The following GCN1 variants were observed in gnomAD, a reference collection of about 807,000 sequenced individuals.
GCN1 encodes the protein GCN1 activator of EIF2AK4.
A neutral mutation model predicts 288.4 loss-of-function variants in GCN1; 90 were observed. The ratio of observed to expected loss-of-function variants is 0.31; its 90% CI spans 0.26 to 0.37. The LOEUF is 0.37. Ranked by LOEUF, GCN1 falls within the 10% of genes least tolerant of loss-of-function variation. GCN1 has a pLI of 1.00. For missense variants in GCN1, 2,586 were observed against 3,419.9 expected, an observed-to-expected ratio of 0.76 and a Z score of 6.08; for synonymous variants, 1,386 against 1,420.2, an observed-to-expected ratio of 0.98 and a Z score of 0.54.
intron 18 of GCN1, 89 bp downstream of exon 18, chr12:120,164,247 A>T: frequency 9.0e-7 from 1 of 1,106,716 alleles, no homozygotes. Flanking sequence ...AAGAACACCC[A>T]GGGAGTGGCC....
intron 36 of GCN1, among the ~76,000 whole-genome samples, chr12:120,148,810 G>A (rs181599699): frequency 6.6e-5 from 10 of 152,214 alleles, no homozygotes; most frequent in South Asian, 4.2e-4. Context: ...GCTTATTAGG[G>A]TGCCAGACAT....
chr12:120,175,650 G>T, intron 11 of GCN1, 96 bp downstream of exon 11: 1 of 1,308,896 alleles, frequency 7.6e-7, no homozygotes, highest in Non-Finnish European at 1.1e-6. Flanking sequence ...CTTGCCACAG[G>T]CAGACTTGGA....
At chr12:120,191,864 T>C (rs945421702) in intron 1 of GCN1, among the ~76,000 whole-genome samples, 1 of 152,180 alleles carries the variant, frequency 6.6e-6, no homozygotes, top group Non-Finnish European at 1.5e-5. Context: ...TATCTCTAAA[T>C]ATGGAGGTAA....
chr12:120,134,847 G>A lies in GCN1; in HGVS notation c.7009-121C>T, dbSNP rs1466147031. The A allele has an allele frequency of 7.4e-6, 6 of 815,694 alleles. No homozygotes were observed. Among genetic ancestry groups the A allele is most frequent in the East Asian group, 2.6e-5 (1 of 38,658 alleles). 50.5% of individuals were successfully genotyped at this position (815,694 alleles called of 1,614,324 possible). ...CACAGCGAGTCCAGCTCTCATACAGGGCTGGGGACAGATAGCCCGTCAGAG... is the reference window on the plus strand; with the variant it reads ...CACAGCGAGTCCAGCTCTCATACAGAGCTGGGGACAGATAGCCCGTCAGAG... On this transcript the variant is annotated intron_variant, in intron 51 of 57. Coordinates refer to ENST00000300648, the MANE Select transcript of GCN1 (RefSeq NM_006836.2). This position sits in a 1 kb window ranked among gnomAD's most constrained non-coding sequence, Gnocchi z 5.0.
At chr12:120,148,393 C>G (rs199924645) in intron 36 of GCN1, 47 bp from the exon 37 acceptor site, 1 of 1,495,408 alleles carries the variant, frequency 6.7e-7, no homozygotes, top group African/African-American at 1.4e-5. Flanking sequence ...TGAGCAAAGG[C>G]CAGCAACTCA....
At chr12:120,169,846 T>C (rs1489546457) in intron 15 of GCN1, among the ~76,000 whole-genome samples, 1 of 152,210 alleles carries the variant, frequency 6.6e-6, no homozygotes. Flanking sequence ...CTTCTCATGT[T>C]ATATCCTTTT....
At position 120,156,419 on chromosome 12, in the gene GCN1, G is replaced by A; in HGVS notation, c.3312+42C>T. 1 of 1,596,998 alleles carries A rather than the reference G, an allele frequency of 6.3e-7. No homozygotes were observed. The highest frequency in any genetic ancestry group is 8.6e-7 in the Non-Finnish European group (1 of 1,167,620). On this transcript the variant is annotated intron_variant, in intron 28 of 57. Transcript: ENST00000300648. The surrounding 1 kb of genome is among the most constrained non-coding windows in gnomAD (Gnocchi z 5.8). ...ATCATGCAATTTGCACTTGCATAGA[G>A]TGACAAGGGACACTGCAGTGGCTCT...
intron 57 of GCN1, 51 bp from the exon 58 acceptor site, chr12:120,128,025 A>G: frequency 1.1e-5 from 18 of 1,595,770 alleles, no homozygotes; most frequent in Non-Finnish European, 1.5e-5. Context: ...TACGGCTGCC[A>G]CGTTCTCCAA....
At chr12:120,169,759 C>T (rs746235459) in intron 15 of GCN1, among the ~76,000 whole-genome samples, 1 of 152,206 alleles carries the variant, frequency 6.6e-6, no homozygotes, top group Non-Finnish European at 1.5e-5. Context: ...GCCTCGGCCT[C>T]CCAAAGTGCA....
chr12:120,174,237 T>C, intron 12 of GCN1, 68 bp from the exon 13 acceptor site: 1 of 872,862 alleles, frequency 1.1e-6, no homozygotes. Flanking sequence ...TTCCCACTGC[T>C]GCCACCTCCG....
intron 15 of GCN1, among the ~76,000 whole-genome samples, chr12:120,169,753 C>T (rs140405234): frequency 2.4e-4 from 37 of 152,330 alleles, no homozygotes; most frequent in African/African-American, 7.9e-4. Flanking sequence ...CCGCCTGCCT[C>T]GGCCTCCCAA....
In GCN1 at chr12:120,178,864, C is replaced by T. The variant is rs766867159; in HGVS notation, c.513G>A (p.Lys171=). The change falls in exon 6 of 58, where the codon AAG becomes AAA. Residue 171 remains lysine (K), a synonymous_variant. Transcript: ENST00000300648. The part of the protein sequence containing the change: ...AVDGAVKKLT[K]LWKENPGLVE... The stretch of plus-strand genomic sequence containing the variant: ...GCAGTCCTGTCACCTCTTTCCACAG[C>T]TTCGTGAGTTTCTTCACAGCACCAT... 1 of 1,614,178 alleles carries T rather than the reference C, an allele frequency of 6.2e-7. No individual in the cohort carries two copies. Among genetic ancestry groups the T allele is most frequent in the East Asian group, 2.2e-5 (1 of 44,886 alleles).
chr12:120,189,773 G>A (rs939353219), intron 2 of GCN1, among the ~76,000 whole-genome samples: 12 of 151,584 alleles, frequency 7.9e-5, no homozygotes, highest in African/African-American at 2.9e-4. Context: ...AAGATCAGGA[G>A]TTCAGGACCA....
intron 16 of GCN1, among the ~76,000 whole-genome samples, chr12:120,167,135 T>A (rs1250019918): frequency 1.3e-5 from 2 of 150,834 alleles, no homozygotes; most frequent in African/African-American, 4.9e-5. Context: ...AGGTCGGGAG[T>A]TCGAGACCAG....
At chr12:120,162,705 A>T in intron 20 of GCN1, 142 bp downstream of exon 20, 1 of 923,858 alleles carries the variant, frequency 1.1e-6, no homozygotes, top group Non-Finnish European at 1.6e-6. Context: ...AAACCAGTTT[A>T]CATTTCTGTC....
In GCN1 at chr12:120,164,320, G is replaced by A. The variant is rs1172167473; in HGVS notation, c.1848+16C>T. On this transcript the variant is annotated intron_variant, in intron 18 of 57. Transcript: ENST00000300648. ...TGGATCCAAGAGCCCCAGTTCTAGA[G>A]CCCAGATGCCCTCACCTTGTGAGAA... 1 of 1,606,902 alleles carries A rather than the reference G, an allele frequency of 6.2e-7. No homozygotes were observed. Among genetic ancestry groups the A allele is most frequent in the South Asian group, 1.1e-5 (1 of 90,680 alleles).
At chr12:120,175,595 C>G (rs141239587) in intron 11 of GCN1, 151 bp downstream of exon 11, 1 of 803,950 alleles carries the variant, frequency 1.2e-6, no homozygotes, top group Non-Finnish European at 2.0e-6. Flanking sequence ...TTTGTTCATT[C>G]ACACACATTC....
intron 36 of GCN1, among the ~76,000 whole-genome samples, chr12:120,149,098 G>C (rs529960791): frequency 3.3e-5 from 3 of 89,794 alleles, no homozygotes; most frequent in East Asian, 9.5e-4. Context: ...GAGCTTTCCT[G>C]GGGGGGGAAA....
chr12:120,142,129 G>A lies in GCN1; in HGVS notation c.5829+378C>T, dbSNP rs148909278. ...ATCACGAGGTCAGGAGATCGAGACC[G>A]TCCTGGCTAACGTGCTGAAACCCCG... is the stretch of plus-strand genomic sequence containing the variant. On this transcript the variant is annotated intron_variant, in intron 44 of 57. Transcript: ENST00000300648. The surrounding 1 kb of genome is among the most constrained non-coding windows in gnomAD (Gnocchi z 4.9). 9.7e-4 allele frequency among the ~76,000 whole-genome samples: 148 copies of A among 152,058 alleles called. No individual in the cohort carries two copies. The highest frequency in any genetic ancestry group is 3.4e-3 in the African/African-American group (139 of 41,466).
Sources: allele counts gnomAD v4.1 joint callset (sites outside exome capture counted in the v4.1 genomes callset), GRCh38; gene constraint gnomAD v4.1.1; non-coding constraint Gnocchi (gnomAD v3.1); transcripts MANE v1.5; gene names NCBI Gene and HGNC (gene_info 2026-07-23, HGNC 2026-07-21).